The following KDM3A variants were observed in gnomAD, a reference collection of about 807,000 sequenced individuals.
KDM3A encodes the protein lysine demethylase 3A, also known as lysine-specific demethylase 3A.
KDM3A carries 60 observed loss-of-function variants against 158.0 expected under a neutral mutation model. The ratio of observed to expected loss-of-function variants is 0.38; its 90% CI spans 0.31 to 0.47. The LOEUF is 0.47. KDM3A is among the 20% of genes least tolerant of loss of function. KDM3A has a pLI of 0.99. For synonymous variants in KDM3A, 608 were observed against 549.3 expected (o/e 1.11, Z -1.49); for missense variants, 1,319 against 1,574.3 (o/e 0.84, Z 2.74).
Position 86,441,974 on chromosome 2 carries a change from C to T in KDM3A, c.-30-44C>T. The T allele has an allele frequency of 3.3e-6, 5 of 1,493,216 alleles. No individual in the cohort carries two copies. The South Asian group carries it at 4.5e-5, about 14-fold the overall frequency. The allele number at this position is 1,493,216 out of a possible 1,614,324, so 92.5% of individuals were successfully genotyped here. A position where few individuals can be genotyped will look rare whatever the true frequency, so the allele number is the denominator to read the frequency against. The stretch of plus-strand genomic sequence containing the variant: ...CCCTGCTGTCTCCGCCCGGCCCCCT[C>T]CCACCGGCCGCCCCCGTCGCATTTT... On this transcript the variant is annotated intron_variant, in intron 1 of 25. Transcript: ENST00000312912.
chr2:86,489,085 C>G lies in KDM3A; in HGVS notation c.3314-233C>G, dbSNP rs1333741888. 6.9e-6 allele frequency: 3 copies of G among 431,886 alleles called. No homozygotes were observed. The East Asian group carries it at 1.4e-4, about 20-fold the overall frequency. The allele number at this position is 431,886 out of a possible 1,614,324, so 26.8% of individuals were successfully genotyped here. A position where few individuals can be genotyped will look rare whatever the true frequency, so the allele number is the denominator to read the frequency against. On this transcript the variant is annotated intron_variant, in intron 21 of 25. Transcript: ENST00000312912. The stretch of plus-strand genomic sequence containing the variant: ...ATGTCCTTTTGGCAAATCCCAGCTT[C>G]GGAAGCCTGCTTTAACCACTTCCAT...
chr2:86,466,361 A>T lies in KDM3A; in HGVS notation c.1008-11A>T. On this transcript the variant is annotated splice_polypyrimidine_tract_variant and intron_variant, in intron 9 of 25. Transcript: ENST00000312912. ...GGCCTGGATGCTAGCTTTCTATATT[A>T]TATTTTTCAGATGTCATAAACAAAG... 1 of 1,598,170 alleles carries T rather than the reference A, an allele frequency of 6.3e-7. No individual in the cohort carries two copies. The highest frequency in any genetic ancestry group is 1.1e-5 in the South Asian group (1 of 88,930).
Position 86,478,257 on chromosome 2 carries a change from C to T in KDM3A, c.2180C>T (p.Pro727Leu), listed in dbSNP as rs1357347109. ...PENLMPTQII[P>L]GKALYDVGDI... Reference sequence around the variant, plus strand: ...AACTTAATGCCCACACAGATCATTCCTGGAAAAGGTATTTCATGTGCTGCA... The same window carrying T: ...AACTTAATGCCCACACAGATCATTCTTGGAAAAGGTATTTCATGTGCTGCA... The change falls in exon 14 of 26, where the codon CCT (proline) becomes CTT (leucine). Residue 727 changes from proline (P) to leucine (L), a missense_variant. By Grantham distance (98) the Pro-to-Leu change is moderately conservative. Transcript: ENST00000312912. 3 of 1,606,926 alleles carry T rather than the reference C, an allele frequency of 1.9e-6. No individual in the cohort carries two copies. Among genetic ancestry groups the T allele is most frequent in the African/African-American group, 1.3e-5 (1 of 74,798 alleles).
At chr2:86,481,345 C>T (rs1379730451) in intron 16 of KDM3A, among the ~76,000 whole-genome samples, 1 of 152,100 alleles carries the variant, frequency 6.6e-6, no homozygotes. Flanking sequence ...CTCTGCCTCC[C>T]AGGTTCAAGC....
intron 3 of KDM3A, 128 bp from the exon 4 acceptor site, chr2:86,450,975 A>T (rs1672435348): frequency 1.7e-6 from 1 of 577,316 alleles, no homozygotes. Flanking sequence ...TTGTTATGAG[A>T]TAACTTGCAG....
intron 16 of KDM3A, among the ~76,000 whole-genome samples, chr2:86,481,603 GA>G (rs983219849): frequency 6.6e-5 from 10 of 151,056 alleles, no homozygotes; most frequent in Non-Finnish European, 1.3e-4. Context: ...TGCATTCAGG[GA>G]AAAAAAATGT....
chr2:86,473,715 C>G (rs1263276095), intron 11 of KDM3A, among the ~76,000 whole-genome samples: 2 of 152,154 alleles, frequency 1.3e-5, no homozygotes, highest in African/African-American at 4.8e-5. Context: ...TACCACTGTA[C>G]TCCAGCCTGG....
At position 86,475,760 on chromosome 2, in the gene KDM3A, G is replaced by A. The variant is rs115354089; in HGVS notation, c.1939+770G>A. On this transcript the variant is annotated intron_variant, in intron 12 of 25. Transcript: ENST00000312912. Reference sequence around the variant, plus strand: ...TTTACCAGTGGTTGAAGTTAAAAGTGAAGCCTTTCTATTCCTCTGGTGTGT... The same window carrying A: ...TTTACCAGTGGTTGAAGTTAAAAGTAAAGCCTTTCTATTCCTCTGGTGTGT... 1.7e-3 allele frequency among the ~76,000 whole-genome samples: 258 copies of A among 152,326 alleles called. 1 individual carries two copies. The highest frequency in any genetic ancestry group is 5.9e-3 in the African/African-American group (247 of 41,560).
At chr2:86,467,936 G>A (rs927210780) in intron 10 of KDM3A, among the ~76,000 whole-genome samples, 8 of 152,074 alleles carry the variant, frequency 5.3e-5, no homozygotes, top group Non-Finnish European at 1.2e-4. Flanking sequence ...TGAGGCAGGG[G>A]GGTTGCTTGA....
At chr2:86,458,485 C>A (rs1157820949) in intron 8 of KDM3A, among the ~76,000 whole-genome samples, 1 of 152,146 alleles carries the variant, frequency 6.6e-6, no homozygotes, top group Non-Finnish European at 1.5e-5. Flanking sequence ...TCCAAGAAAC[C>A]ATAGTTACTG....
At chr2:86,473,140 G>T (rs746682927) in intron 11 of KDM3A, among the ~76,000 whole-genome samples, 4 of 152,206 alleles carry the variant, frequency 2.6e-5, no homozygotes, top group Non-Finnish European at 5.9e-5. Flanking sequence ...TTGTTTGTAT[G>T]TATGTATGCA....
At chr2:86,483,051 C>T (rs546474609) in intron 18 of KDM3A, 1 of 261,194 alleles carries the variant, frequency 3.8e-6, no homozygotes, top group South Asian at 4.7e-5. Context: ...GCTACAAAAT[C>T]ATGCACCCCT....
chr2:86,456,549 C>G lies in KDM3A; in HGVS notation c.664C>G (p.Gln222Glu), dbSNP rs772631799. ...TGGAAACCCAGCATCAAAAACTCTT[C>G]AAGTCAACTGTGAGGAGGTAAAGAC... ...INGNPASKTL[Q>E]VNCEEIPALK... The change falls in exon 6 of 26, where the codon CAA becomes GAA. Residue 222 changes from glutamine (Q) to glutamate (E), a missense_variant. This residue lies in a region of KDM3A where 652 missense variants were observed against 627.2 expected (regional missense o/e 1.04). Coordinates refer to ENST00000312912, the MANE Select transcript of KDM3A (RefSeq NM_018433.6). 3.7e-6 allele frequency: 6 copies of G among 1,607,484 alleles called. No individual in the cohort carries two copies. The South Asian group carries it at 6.7e-5, about 18-fold the overall frequency.
At chr2:86,456,383 T>G (rs978936226) in intron 5 of KDM3A, 59 bp from the exon 6 acceptor site, 1 of 1,196,560 alleles carries the variant, frequency 8.4e-7, no homozygotes, top group Non-Finnish European at 1.1e-6. Context: ...CTGGATGATG[T>G]TGCTATTGGG....
Position 86,443,407 on chromosome 2 carries a change from C to T in KDM3A, c.186+1174C>T, listed in dbSNP as rs190572158. 5 of 152,294 alleles carry T rather than the reference C, an allele frequency of 3.3e-5. No individual in the cohort carries two copies. The East Asian group carries it at 9.6e-4, about 29-fold the overall frequency. 9.4% of individuals were successfully genotyped at this position (152,294 alleles called of 1,614,324 possible). On this transcript the variant is annotated intron_variant, in intron 2 of 25. Coordinates refer to ENST00000312912, the MANE Select transcript of KDM3A (RefSeq NM_018433.6). ...TGTAGGAAAGGGGTATGCTGTTAGG[C>T]ATGTTTTAAAGCTTCAGTGTTGTGC...
chr2:86,442,158 C>T lies in KDM3A; in HGVS notation c.111C>T (p.Arg37=), dbSNP rs756251886. Residue 37 remains arginine, a synonymous_variant, in exon 2 of 26, where the codon CGC becomes CGT. Coordinates refer to ENST00000312912, the MANE Select transcript of KDM3A (RefSeq NM_018433.6). ...GCCACGACAGCTGGGACGTGGAGCG[C>T]GTCGCCGAGTGGCCCTGGCTCTCCG... The part of the protein sequence containing the change: ...DGSHDSWDVE[R]VAEWPWLSGT... 44 of 1,614,086 alleles carry T rather than the reference C, an allele frequency of 2.7e-5. 1 individual carries two copies. In the East Asian group the frequency reaches 9.6e-4, roughly 35 times the overall value.
intron 15 of KDM3A, 145 bp downstream of exon 15, chr2:86,478,880 A>G (rs143816376): frequency 0.01 from 7,695 of 742,470 alleles, 61 homozygotes; most frequent in Non-Finnish European, 0.013. Flanking sequence ...GAATTCATAC[A>G]GTTCATGTGA....
At chr2:86,464,386 A>G (rs1320450646) in intron 9 of KDM3A, among the ~76,000 whole-genome samples, 170 bp downstream of exon 9, 1 of 152,220 alleles carries the variant, frequency 6.6e-6, no homozygotes, top group Non-Finnish European at 1.5e-5. Context: ...ACAGAGCAAC[A>G]TAGAAAATGG....
At chr2:86,488,776 C>G (rs1438045197) in intron 21 of KDM3A, 1 of 153,616 alleles carries the variant, frequency 6.5e-6, no homozygotes, top group Non-Finnish European at 1.4e-5. Context: ...TGAGCTTTCT[C>G]CTGTGAGCAA....
Sources: allele counts gnomAD v4.1 joint callset (sites outside exome capture counted in the v4.1 genomes callset), GRCh38; gene constraint gnomAD v4.1.1; regional missense constraint gnomAD v4.1.1; transcripts MANE v1.5; gene names NCBI Gene and HGNC (gene_info 2026-07-23, HGNC 2026-07-21).